The following USH2A variants were observed in gnomAD, a reference collection of about 807,000 sequenced individuals.
The protein encoded by USH2A is usherin.
Under a neutral mutation model 538.9 loss-of-function variants are expected in USH2A, and 443 were observed. That is an observed-to-expected ratio of 0.82 (90% confidence interval 0.76 to 0.89). The LOEUF is 0.89. Among genes scored for constraint, USH2A ranks in the 40% least tolerant of loss-of-function variants. The pLI is 0.00. For synonymous variants in USH2A, 2,413 were observed against 2,273.5 expected, an observed-to-expected ratio of 1.06 and a Z score of -1.75; for missense variants, 6,633 against 6,324.8, an observed-to-expected ratio of 1.05 and a Z score of -1.65.
intron 32 of USH2A, among the ~76,000 whole-genome samples, chr1:216,037,833 C>T (rs1349053520): frequency 6.6e-6 from 1 of 151,694 alleles, no homozygotes; most frequent in Non-Finnish European, 1.5e-5. Context: ...AATCCTCTCC[C>T]TCCTGCTACC....
intron 15 of USH2A, among the ~76,000 whole-genome samples, chr1:216,216,440 C>T (rs535330767): frequency 1.3e-5 from 2 of 152,094 alleles, no homozygotes; most frequent in African/African-American, 4.8e-5. Flanking sequence ...TTTCTCCCTC[C>T]CCCCTTAAAT....
chr1:216,161,138 CTG>C lies in USH2A; in HGVS notation c.4627+14112_4627+14113del, dbSNP rs200503860. Among the ~76,000 whole-genome samples, 1,397 of 152,048 alleles carry C rather than the reference CTG, an allele frequency of 9.2e-3. 20 individuals are homozygous for C. The highest frequency in any genetic ancestry group is 0.03 in the African/African-American group (1,250 of 41,502). On this transcript the variant is annotated intron_variant, in intron 21 of 71. Transcript: ENST00000307340. The stretch of plus-strand genomic sequence containing the variant: ...ATATATTTTTATTTTTTAAATCAAT[CTG>C]AGAACTTTTATGCTTATTTGGGTAG...
chr1:215,638,936 C>A (rs1236817994), intron 69 of USH2A, among the ~76,000 whole-genome samples: 2 of 151,560 alleles, frequency 1.3e-5, no homozygotes, highest in Non-Finnish European at 2.9e-5. Context: ...CAAGATTGCA[C>A]CACTGCACTC....
At chr1:216,168,411 GAA>G (rs1304750963) in intron 21 of USH2A, among the ~76,000 whole-genome samples, 6 of 152,018 alleles carry the variant, frequency 3.9e-5, no homozygotes, top group Admixed American at 2.0e-4. Flanking sequence ...TTATAACTAA[GAA>G]AATTATGACA....
chr1:216,411,733 C>A (rs1293128031), intron 3 of USH2A, among the ~76,000 whole-genome samples: 2 of 152,066 alleles, frequency 1.3e-5, no homozygotes, highest in Non-Finnish European at 2.9e-5. Context: ...ACACCAGATG[C>A]TGGAAGAGAC....
intron 61 of USH2A, among the ~76,000 whole-genome samples, chr1:215,687,698 G>T (rs1658477148): frequency 6.6e-6 from 1 of 152,048 alleles, no homozygotes; most frequent in African/African-American, 2.4e-5. Context: ...TTAAAAATGT[G>T]CATACACTGT....
chr1:216,285,420 T>C (rs1172833), intron 11 of USH2A, among the ~76,000 whole-genome samples: 143,170 of 152,324 alleles, frequency 0.94, 67,643 homozygotes, highest in East Asian at 1. Flanking sequence ...GTTTGGGAAC[T>C]TCCGCCTAGC....
chr1:216,166,577 C>G (rs2034173672), intron 21 of USH2A, among the ~76,000 whole-genome samples: 1 of 152,048 alleles, frequency 6.6e-6, no homozygotes, highest in Admixed American at 6.6e-5. Context: ...GTAGGACCAG[C>G]AGGTAGTTCC....
intron 52 of USH2A, 65 bp downstream of exon 52, chr1:215,786,605 C>T: frequency 6.4e-7 from 1 of 1,558,064 alleles, no homozygotes; most frequent in Non-Finnish European, 8.9e-7. Flanking sequence ...TGAAATAAAT[C>T]TGCATTTTCA....
At chr1:215,846,090 A>G in intron 44 of USH2A, 57 bp from the exon 45 acceptor site, 1 of 1,537,598 alleles carries the variant, frequency 6.5e-7, no homozygotes, top group Non-Finnish European at 9.0e-7. Context: ...AGGGGAAAAA[A>G]AAAATTCTAT....
intron 11 of USH2A, among the ~76,000 whole-genome samples, chr1:216,264,263 A>C (rs368477504): frequency 6.6e-6 from 1 of 152,202 alleles, no homozygotes; most frequent in East Asian, 1.9e-4. Context: ...AATTCTTTAA[A>C]TTCCCATGGA....
chr1:215,848,807 T>G (rs891282750), intron 44 of USH2A, among the ~76,000 whole-genome samples: 4 of 152,220 alleles, frequency 2.6e-5, no homozygotes, highest in African/African-American at 9.6e-5. Context: ...ACATACAATT[T>G]TATACATGTT....
intron 38 of USH2A, among the ~76,000 whole-genome samples, chr1:215,904,195 T>G (rs1405977273): frequency 1.3e-5 from 2 of 152,064 alleles, no homozygotes; most frequent in African/African-American, 4.8e-5. Flanking sequence ...TTCAAGTCAT[T>G]AGCCCTGAAA....
intron 43 of USH2A, among the ~76,000 whole-genome samples, chr1:215,872,493 A>G (rs1490931202): frequency 2.6e-5 from 4 of 152,196 alleles, no homozygotes; most frequent in African/African-American, 9.6e-5. Context: ...ATTTTGCAGT[A>G]ATTTCCATCT....
At chr1:216,192,709 TAAA>T (rs1457647398) in intron 19 of USH2A, among the ~76,000 whole-genome samples, 1 of 151,402 alleles carries the variant, frequency 6.6e-6, no homozygotes. Flanking sequence ...CTCAAAGAAA[TAAA>T]AATAAAAAAG....
rs374571109 is a variant in USH2A, at chr1:215,776,169, T to A, written c.10939+3674A>T. ...TGTTCTGTACAGGATGGTGGATGTG[T>A]TTAGTAATAAATGATATGAAAAGGT... On this transcript the variant is annotated intron_variant, in intron 55 of 71. Transcript: ENST00000307340. Among the ~76,000 whole-genome samples the A allele has an allele frequency of 2.0e-5, 3 of 152,320 alleles. No homozygotes were observed. The East Asian group carries it at 5.8e-4, about 29-fold the overall frequency.
At chr1:216,418,784 T>C in intron 2 of USH2A, 105 bp from the exon 3 acceptor site, 4 of 1,242,350 alleles carry the variant, frequency 3.2e-6, no homozygotes, top group Non-Finnish European at 4.7e-6. Flanking sequence ...CAAACTTTGC[T>C]CAAAATGGTG....
At chr1:216,140,215 C>T (rs1002520960) in intron 21 of USH2A, among the ~76,000 whole-genome samples, 9 of 152,040 alleles carry the variant, frequency 5.9e-5, no homozygotes, top group African/African-American at 2.4e-5. Flanking sequence ...TGCTGTTCAC[C>T]TGCTGAACCT....
chr1:215,879,742 A>G (rs981206242), intron 41 of USH2A, among the ~76,000 whole-genome samples: 5 of 152,252 alleles, frequency 3.3e-5, no homozygotes, highest in Admixed American at 2.0e-4. Context: ...GGACTTGAGC[A>G]TCAGAAGAAA....
Sources: allele counts gnomAD v4.1 joint callset (sites outside exome capture counted in the v4.1 genomes callset), GRCh38; gene constraint gnomAD v4.1.1; transcripts MANE v1.5; gene names NCBI Gene and HGNC (gene_info 2026-07-23, HGNC 2026-07-21).